KIFC2: variants seen among roughly 807,000 people sequenced by gnomAD.
KIFC2 encodes kinesin family member C2, also known as kinesin-like protein KIFC2.
KIFC2 carries 94 observed loss-of-function variants against 91.5 expected under a neutral mutation model. The observed-to-expected ratio is 1.03, with a 90% CI of 0.87 to 1.22. The LOEUF (loss-of-function observed/expected upper bound fraction) is 1.22, where lower values mean the gene tolerates loss of function less well. KIFC2 is among the 50% of genes most tolerant of loss of function. The pLI, the probability that KIFC2 is intolerant of heterozygous loss-of-function variation, is 0.00. For synonymous variants in KIFC2, 729 were observed against 503.9 expected (o/e 1.45, Z -5.98); for missense variants, 1,357 against 1,103.3 (o/e 1.23, Z -3.26).
Position 144,472,228 on chromosome 8 carries a change from A to C in KIFC2, c.1576A>C (p.Ser526Arg). The C allele has an allele frequency of 6.2e-7, 1 of 1,612,968 alleles. No homozygotes were observed. The highest frequency in any genetic ancestry group is 8.5e-7 in the Non-Finnish European group (1 of 1,179,870). Reference sequence around the variant, plus strand: ...CGGCCGGCAGCACCGGGTGACACTCAGCATGGTGGAGATCTACAATGAGGC... The same window carrying C: ...CGGCCGGCAGCACCGGGTGACACTCCGCATGGTGGAGATCTACAATGAGGC... Reference protein sequence around the residue: ...GAGRQHRVTLSMVEIYNEAVR... With the variant: ...GAGRQHRVTLRMVEIYNEAVR... Residue 526 changes from serine (S) to arginine (R), a missense_variant, in exon 14 of 18, where the codon AGC becomes CGC. Transcript: ENST00000645548.
In KIFC2 at chr8:144,467,036, C is replaced by G; in HGVS notation, c.256C>G (p.Leu86Val). Residue 86 changes from leucine to valine, a missense_variant, in exon 3 of 18, where the codon CTG becomes GTG. Coordinates refer to ENST00000645548, the MANE Select transcript of KIFC2 (RefSeq NM_001369769.2). ...AAAVSLEEAL[L>V]RLAEFLSVQL... ...CGCGGTGTCCCTGGAAGAGGCCCTA[C>G]TGCGCCTCGCCGAGTTCCTCTCCGT... The G allele has an allele frequency of 3.1e-6, 5 of 1,594,008 alleles. No homozygotes were observed. Among genetic ancestry groups the G allele is most frequent in the Non-Finnish European group, 3.4e-6 (4 of 1,171,802 alleles).
At chr8:144,470,052 G>A (rs1024390249) in intron 12 of KIFC2, among the ~76,000 whole-genome samples, 1 of 152,262 alleles carries the variant, frequency 6.6e-6, no homozygotes, top group Admixed American at 6.5e-5. Flanking sequence ...CTGTGGAAAA[G>A]CAGGGGCTTC....
chr8:144,467,553 A>T lies in KIFC2; in HGVS notation c.538A>T (p.Thr180Ser). 4 of 1,605,602 alleles carry T rather than the reference A, an allele frequency of 2.5e-6. No homozygotes were observed. Among genetic ancestry groups the T allele is most frequent in the Non-Finnish European group, 3.4e-6 (4 of 1,176,278 alleles). The part of the protein sequence containing the change: ...AVPGEPLGDE[T>S]QGQQPLQLEE... Reference sequence around the variant, plus strand: ...CCCAGGCGAGCCACTGGGGGATGAGACCCAGGGACAGCAGCCCCTCCAGTT... The same window carrying T: ...CCCAGGCGAGCCACTGGGGGATGAGTCCCAGGGACAGCAGCCCCTCCAGTT... Residue 180 changes from threonine (T) to serine (S), a missense_variant, in exon 5 of 18, where the codon ACC becomes TCC. By Grantham distance (58) the Thr-to-Ser change is moderately conservative (BLOSUM62 1). Coordinates refer to ENST00000645548, the MANE Select transcript of KIFC2 (RefSeq NM_001369769.2).
chr8:144,466,461 C>T lies in KIFC2; in HGVS notation c.42C>T (p.Ser14=), dbSNP rs1401787799. 1.2e-5 allele frequency: 17 copies of T among 1,362,204 alleles called. No individual in the cohort carries two copies. Among genetic ancestry groups the T allele is most frequent in the Middle Eastern group, 2.0e-4 (1 of 5,026 alleles). The allele number at this position is 1,362,204 out of a possible 1,614,324, so 84.4% of individuals were successfully genotyped here. A position where few individuals can be genotyped will look rare whatever the true frequency, so the allele number is the denominator to read the frequency against. ...FYSLLIYIFY[S]LFRRDGGAAA... is the part of the protein sequence containing the mutation. ...CGTTGCTCATCTACATCTTCTACAGCCTCTTCCGCAGGGATGGTGGCGCCG... is the reference window on the plus strand; with the variant it reads ...CGTTGCTCATCTACATCTTCTACAGTCTCTTCCGCAGGGATGGTGGCGCCG... The change falls in exon 1 of 18, where the codon AGC becomes AGT. Residue 14 remains serine (S), a synonymous_variant. Transcript: ENST00000645548.
In KIFC2 at chr8:144,473,128, G is replaced by A. The variant is rs1341859222; in HGVS notation, c.2119-4G>A. ...GCCCGCCCACCCGCGCCTCTTGCCC[G>A]CAGATCTCCACGCGGCCGGAGGATC... On this transcript the variant is annotated splice_region_variant and splice_polypyrimidine_tract_variant and intron_variant, in intron 17 of 17. Coordinates refer to ENST00000645548, the MANE Select transcript of KIFC2 (RefSeq NM_001369769.2). The A allele has an allele frequency of 2.0e-6, 3 of 1,465,262 alleles. No homozygotes were observed. Among genetic ancestry groups the A allele is most frequent in the Admixed American group, 2.0e-5 (1 of 50,040 alleles). The allele number at this position is 1,465,262 out of a possible 1,614,324, so 90.8% of individuals were successfully genotyped here. A position where few individuals can be genotyped will look rare whatever the true frequency, so the allele number is the denominator to read the frequency against.
chr8:144,468,247 TCTTGA>T (rs766901284), intron 7 of KIFC2, 77 bp from the exon 8 acceptor site: 12 of 1,313,968 alleles, frequency 9.1e-6, no homozygotes, highest in East Asian at 2.4e-5. Flanking sequence ...TCTGCCCACC[TCTTGA>T]CTTGACTTTC....
intron 12 of KIFC2, 43 bp from the exon 13 acceptor site, chr8:144,471,899 C>A: frequency 6.3e-7 from 1 of 1,575,402 alleles, no homozygotes; most frequent in Non-Finnish European, 8.7e-7. Context: ...CATAAACAGG[C>A]AACGTGGGGA....
In KIFC2 at chr8:144,473,185, C is replaced by T. The variant is rs868514066; in HGVS notation, c.2172C>T (p.Ala724=). Reference sequence around the variant, plus strand: ...AGACAGTCTGCTCCCTCAAGTTCGCCGACCGAGTGGGTCAAGTGGAGCTGG... The same window carrying T: ...AGACAGTCTGCTCCCTCAAGTTCGCTGACCGAGTGGGTCAAGTGGAGCTGG... ...LGETVCSLKF[A]DRVGQVELGP... Residue 724 remains alanine, a synonymous_variant, in exon 18 of 18, where the codon GCC becomes GCT. Transcript: ENST00000645548. 2 of 1,581,442 alleles carry T rather than the reference C, an allele frequency of 1.3e-6. No individual in the cohort carries two copies. Among genetic ancestry groups the T allele is most frequent in the East Asian group, 2.3e-5 (1 of 43,188 alleles).
intron 2 of KIFC2, 56 bp from the exon 3 acceptor site, chr8:144,466,903 G>A (rs1230693958): frequency 6.4e-6 from 10 of 1,556,580 alleles, no homozygotes; most frequent in Non-Finnish European, 8.6e-6. Context: ...GAGGGGCGGA[G>A]GCCTGGCTCA....
chr8:144,467,862 G>T lies in KIFC2; in HGVS notation c.685G>T (p.Ala229Ser), dbSNP rs1375990509. The change falls in exon 7 of 18, where the codon GCG (alanine) becomes TCG (serine). Residue 229 changes from alanine to serine, a missense_variant. Physicochemically the swap from Ala to Ser is moderately conservative, Grantham distance 99. Coordinates refer to ENST00000645548, the MANE Select transcript of KIFC2 (RefSeq NM_001369769.2). ...GCCGAGGTTTCCTCTCCACCAGGGG[G>T]CGACGGACTCAGAGAAAAGGGTTCA... Reference protein sequence around the residue: ...ELGRLRLGVGATDSEKRVQHL... With the variant: ...ELGRLRLGVGSTDSEKRVQHL... The T allele has an allele frequency of 6.2e-7, 1 of 1,613,486 alleles. No homozygotes were observed. Among genetic ancestry groups the T allele is most frequent in the East Asian group, 2.2e-5 (1 of 44,886 alleles).
At position 144,467,850 on chromosome 8, in the gene KIFC2, C is replaced by T. The variant is rs748541525; in HGVS notation, c.682-9C>T. 1 of 1,613,496 alleles carries T rather than the reference C, an allele frequency of 6.2e-7. No homozygotes were observed. Among genetic ancestry groups the T allele is most frequent in the South Asian group, 1.1e-5 (1 of 91,082 alleles). On this transcript the variant is annotated splice_polypyrimidine_tract_variant and intron_variant, in intron 6 of 17. Transcript: ENST00000645548. ...CTTCAGGTGAGTGCCGAGGTTTCCT[C>T]TCCACCAGGGGGCGACGGACTCAGA...
chr8:144,468,805 C>G lies in KIFC2; in HGVS notation c.1084C>G (p.Gln362Glu), dbSNP rs766606286. 1 of 1,613,998 alleles carries G rather than the reference C, an allele frequency of 6.2e-7. No individual in the cohort carries two copies. Among genetic ancestry groups the G allele is most frequent in the Non-Finnish European group, 8.5e-7 (1 of 1,180,006 alleles). ...GLVSTFTQSC[Q>E]GSLSEARGQV... ...GGTCAGCACCTTTACCCAGAGCTGTCAGGGTTCGCTGAGTGAGGCCCGGGG... is the reference window on the plus strand; with the variant it reads ...GGTCAGCACCTTTACCCAGAGCTGTGAGGGTTCGCTGAGTGAGGCCCGGGG... Residue 362 changes from glutamine to glutamate, a missense_variant, in exon 10 of 18, where the codon CAG (glutamine) becomes GAG (glutamate). Transcript: ENST00000645548.
intron 12 of KIFC2, among the ~76,000 whole-genome samples, chr8:144,470,376 A>G (rs773582275): frequency 2.0e-5 from 3 of 152,352 alleles, no homozygotes; most frequent in Middle Eastern, 3.4e-3. Context: ...TCCTCTGGAC[A>G]GCCGTCCTGG....
Position 144,472,257 on chromosome 8 carries a change from C to G in KIFC2, c.1605C>G (p.Val535=), listed in dbSNP as rs753567987. 6 of 1,613,342 alleles carry G rather than the reference C, an allele frequency of 3.7e-6. No homozygotes were observed. In the East Asian group the frequency reaches 1.1e-4, roughly 30 times the overall value. The stretch of plus-strand genomic sequence containing the variant: ...TGGTGGAGATCTACAATGAGGCTGT[C>G]AGGTGGGCTACTCCACCAGGGAGGC... ...LSMVEIYNEA[V]RDLLAPGPPE... is the part of the protein sequence containing the mutation. Residue 535 remains valine (V), a splice_region_variant and synonymous_variant, in exon 14 of 18, where the codon GTC becomes GTG. Coordinates refer to ENST00000645548, the MANE Select transcript of KIFC2 (RefSeq NM_001369769.2).
chr8:144,473,136 C>G lies in KIFC2; in HGVS notation c.2123C>G (p.Ser708Cys). The change falls in exon 18 of 18, where the codon TCC becomes TGC. Residue 708 changes from serine (S) to cysteine (C), a missense_variant. Coordinates refer to ENST00000645548, the MANE Select transcript of KIFC2 (RefSeq NM_001369769.2). The part of the protein sequence containing the change: ...GTTAVLLLQI[S>C]TRPEDLGETV... ...ACCCGCGCCTCTTGCCCGCAGATCT[C>G]CACGCGGCCGGAGGATCTCGGGGAG... 1.3e-6 allele frequency: 2 copies of G among 1,558,726 alleles called. No individual in the cohort carries two copies. Among genetic ancestry groups the G allele is most frequent in the South Asian group, 1.2e-5 (1 of 84,692 alleles).
At chr8:144,467,458 G>T in intron 4 of KIFC2, 27 bp from the exon 5 acceptor site, 1 of 1,547,402 alleles carries the variant, frequency 6.5e-7, no homozygotes, top group Non-Finnish European at 8.7e-7. Context: ...GACCTCTTCA[G>T]TGCTAACTGG....
intron 2 of KIFC2, 29 bp downstream of exon 2, chr8:144,466,867 C>T (rs778989924): frequency 1.3e-6 from 2 of 1,535,836 alleles, no homozygotes; most frequent in Non-Finnish European, 8.7e-7. Flanking sequence ...TCCCGCGGTG[C>T]GAGGGCGGTG....
rs772022651 is a variant in KIFC2 at position 144,466,396 on chromosome 8, G to A, written c.-24G>A. The A allele has an allele frequency of 9.3e-7, 1 of 1,077,722 alleles. No homozygotes were observed. Among genetic ancestry groups the A allele is most frequent in the Admixed American group, 3.5e-5 (1 of 28,260 alleles). 66.8% of individuals were successfully genotyped at this position (1,077,722 alleles called of 1,614,324 possible). On this transcript the variant is annotated 5_prime_UTR_variant, in exon 1 of 18. Transcript: ENST00000645548. Reference sequence around the variant, plus strand: ...GGGGACGCGGGGCGGCGCGAAGCGGGGCCCTCTGCCGCCCCGCGCTCCCAT... The same window carrying A: ...GGGGACGCGGGGCGGCGCGAAGCGGAGCCCTCTGCCGCCCCGCGCTCCCAT...
chr8:144,471,764 C>T (rs1425147478), intron 12 of KIFC2, among the ~76,000 whole-genome samples, 178 bp from the exon 13 acceptor site: 3 of 152,158 alleles, frequency 2.0e-5, no homozygotes, highest in African/African-American at 7.2e-5. Flanking sequence ...GCACCACCTT[C>T]TCTAGGGAGA....
Sources: gnomAD v4.1 joint callset for allele counts (sites outside exome capture counted in the v4.1 genomes callset) on GRCh38, gnomAD v4.1.1 for gene constraint, MANE v1.5 for transcripts, NCBI Gene and HGNC (gene_info 2026-07-23, HGNC 2026-07-21) for gene names.